The following TMPRSS9 variants were observed in gnomAD, a reference collection of about 807,000 sequenced individuals.
TMPRSS9 encodes the protein transmembrane serine protease 9.
TMPRSS9 carries 113 observed loss-of-function variants against 111.4 expected under a neutral mutation model. That is an observed-to-expected ratio of 1.01 (90% CI 0.87 to 1.19). TMPRSS9 has a LOEUF of 1.19. Among genes scored for constraint, TMPRSS9 ranks in the 50% most tolerant of loss-of-function variants. TMPRSS9 has a pLI of 0.00. For synonymous variants in TMPRSS9, 805 were observed against 659.1 expected, an observed-to-expected ratio of 1.22 and a Z score of -3.39; for missense variants, 1,803 against 1,513.1, an observed-to-expected ratio of 1.19 and a Z score of -3.18.
chr19:2,418,252 C>CTCCTTCCCTCCTTTTCCTTCCCTCCTT (rs1971300494), intron 13 of TMPRSS9, 114 bp downstream of exon 14: 2 of 1,086,184 alleles, frequency 1.8e-6, no homozygotes, highest in African/African-American at 4.4e-5. Flanking sequence ...CCTTCCCCCC[C>CTCCTTCCCTCCTTTTCCTTCCCTCCTT]TCCTTCCCTC....
At chr19:2,395,620 CAGG>C (rs1666751245) in intron 1 of TMPRSS9, among the ~76,000 whole-genome samples, 1 of 151,946 alleles carries the variant, frequency 6.6e-6, no homozygotes, top group African/African-American at 2.4e-5. Context: ...GCTGAGGCGG[CAGG>C]AGAATTGCTT....
Position 2,418,272 on chromosome 19 carries a change from C to CCCTCCTTTTCCTTT in TMPRSS9, c.2154+143_2154+156dup, listed in dbSNP as rs1427700136. ...CCCCCCTCCTTCCCTCCTTGTCCTT[C>CCCTCCTTTTCCTTT]CCTCCTTTTCCTTTCCTCCTTTCCT... is the stretch of plus-strand genomic sequence containing the variant. On this transcript the variant is annotated intron_variant, in intron 13 of 17. Transcript: ENST00000648592. The CCCTCCTTTTCCTTT allele has an allele frequency of 1.1e-4, 76 of 694,562 alleles. 3 individuals are homozygous for CCCTCCTTTTCCTTT. The African/African-American group carries it at 1.6e-3, about 15-fold the overall frequency. The allele number at this position is 694,562 out of a possible 1,614,324, so 43.0% of individuals were successfully genotyped here.
At chr19:2,377,269 G>GTATA (rs1568169879) in intron 1 of TMPRSS9, among the ~76,000 whole-genome samples, 1 of 119,570 alleles carries the variant, frequency 8.4e-6, no homozygotes, top group African/African-American at 4.8e-5. Context: ...ATGTATGTAT[G>GTATA]TATGTATGTA....
intron 15 of TMPRSS9, among the ~76,000 whole-genome samples, chr19:2,424,636 C>T (rs1189667595): frequency 2.6e-5 from 4 of 152,062 alleles, no homozygotes; most frequent in African/African-American, 7.2e-5. Flanking sequence ...CAAAGCCCAC[C>T]CAGTAGAAAG....
intron 6 of TMPRSS9, among the ~76,000 whole-genome samples, chr19:2,404,694 G>A (rs542633405): frequency 6.6e-6 from 1 of 152,200 alleles, no homozygotes; most frequent in African/African-American, 2.4e-5. Context: ...ACTTTGGGAC[G>A]CCGAGGCAGG....
chr19:2,379,661 C>CTTTCTT (rs1171709694), intron 1 of TMPRSS9, among the ~76,000 whole-genome samples: 1 of 148,910 alleles, frequency 6.7e-6, no homozygotes, highest in African/African-American at 2.5e-5. Flanking sequence ...TTCTTTCTTT[C>CTTTCTT]TTTCTTTCTT....
At chr19:2,398,703 C>CT in intron 2 of TMPRSS9, 92 bp from the exon 4 acceptor site, 1 of 846,052 alleles carries the variant, frequency 1.2e-6, no homozygotes, top group Non-Finnish European at 1.7e-6. Flanking sequence ...CCAACCCCTT[C>CT]TCCAGCTCCC....
At chr19:2,389,658 G>A (rs187441409), upstream of TMPRSS9, 1,294 of 1,182,808 alleles carry the variant, frequency 1.1e-3, 5 homozygotes, top group Middle Eastern at 6.1e-3. Flanking sequence ...GTGAGCCACC[G>A]CGCCCCGCCG....
chr19:2,415,671 A>G, exon 11 of TMPRSS9: 4 of 1,587,700 alleles, frequency 2.5e-6, no homozygotes, highest in African/African-American at 2.7e-5. Context: ...TCCTTCCAGA[A>G]TGTGGGGCCA....
At chr19:2,398,610 T>C (rs1022351755) in intron 2 of TMPRSS9, among the ~76,000 whole-genome samples, 185 bp from the exon 4 acceptor site, 1 of 152,062 alleles carries the variant, frequency 6.6e-6, no homozygotes, top group Non-Finnish European at 1.5e-5. Context: ...AGAGCAAGAC[T>C]CTGTCTCACA....
At chr19:2,393,496 A>G (rs1173469912) in intron 1 of TMPRSS9, among the ~76,000 whole-genome samples, 1 of 152,178 alleles carries the variant, frequency 6.6e-6, no homozygotes, top group African/African-American at 2.4e-5. Context: ...AAGAAATGTA[A>G]CACTCAGCGT....
chr19:2,404,918 C>T (rs1307336151), intron 6 of TMPRSS9, among the ~76,000 whole-genome samples: 5 of 138,454 alleles, frequency 3.6e-5, no homozygotes, highest in Admixed American at 1.6e-4. Context: ...GACAACAGAG[C>T]GAGACTCCAT....
exon 1 of TMPRSS9, chr19:2,389,840 C>T (rs761645519): frequency 2.5e-6 from 4 of 1,613,892 alleles, no homozygotes; most frequent in East Asian, 2.2e-5. Context: ...CAAGGAAGTC[C>T]CCGCTCTGGA....
intron 1 of TMPRSS9, among the ~76,000 whole-genome samples, chr19:2,378,587 G>T (rs1223947672): frequency 1.3e-5 from 2 of 152,086 alleles, no homozygotes; most frequent in African/African-American, 4.8e-5. Context: ...GCATGGTGGT[G>T]CACACCTGTA....
chr19:2,376,584 C>T (rs540332986), intron 1 of TMPRSS9, among the ~76,000 whole-genome samples: 2 of 152,046 alleles, frequency 1.3e-5, no homozygotes, highest in Admixed American at 6.6e-5. Flanking sequence ...CTCAGCCTCT[C>T]GAGTAGCTGG....
chr19:2,379,873 A>G (rs1442663835), intron 1 of TMPRSS9, among the ~76,000 whole-genome samples: 1 of 151,028 alleles, frequency 6.6e-6, no homozygotes, highest in African/African-American at 2.4e-5. Flanking sequence ...CTCAGCCTCA[A>G]GAGTAGCTGG....
chr19:2,367,402 T>A (rs527469553), intron 1 of TMPRSS9, among the ~76,000 whole-genome samples: 1 of 149,640 alleles, frequency 6.7e-6, no homozygotes, highest in South Asian at 2.1e-4. Flanking sequence ...GCTTATGTAC[T>A]TTTTTTTTTC....
intron 1 of TMPRSS9, among the ~76,000 whole-genome samples, chr19:2,362,229 C>T (rs780228483): frequency 1.3e-5 from 2 of 150,696 alleles, no homozygotes; most frequent in African/African-American, 2.4e-5. Context: ...CGGGTGGGAT[C>T]GTATATGGTT....
intron 1 of TMPRSS9, among the ~76,000 whole-genome samples, chr19:2,377,743 C>G (rs1221241362): frequency 1.6e-5 from 1 of 61,566 alleles, no homozygotes; most frequent in Non-Finnish European, 2.6e-5. Flanking sequence ...GAGACAAGGT[C>G]TCACTGTCAC....
Sources: gnomAD v4.1 joint callset for allele counts (sites outside exome capture counted in the v4.1 genomes callset) on GRCh38, gnomAD v4.1.1 for gene constraint, MANE v1.5 for transcripts, NCBI Gene and HGNC (gene_info 2026-07-23, HGNC 2026-07-21) for gene names.